The following SLC7A10 variants were observed in gnomAD, a reference collection of about 807,000 sequenced individuals.
The protein encoded by SLC7A10 is asc-type amino acid transporter 1.
In SLC7A10, 30 loss-of-function variants were observed where a neutral mutation model predicts 52.7. That is an observed-to-expected ratio of 0.57 (90% CI 0.43 to 0.77). The LOEUF (loss-of-function observed/expected upper bound fraction) is 0.77. SLC7A10 is among the 30% of genes least tolerant of loss of function. SLC7A10 has a pLI of 0.00. For synonymous variants in SLC7A10, 318 were observed against 314.9 expected (o/e 1.01, Z -0.10); for missense variants, 581 against 698.5 (o/e 0.83, Z 1.90).
At chr19:33,220,124 G>T in intron 1 of SLC7A10, 1 of 152,188 alleles carries the variant, frequency 6.6e-6, no homozygotes, top group East Asian at 1.9e-4. Context: ...ACCTCTCCGG[G>T]ATGCTGACTG....
intron 2 of SLC7A10, among the ~76,000 whole-genome samples, 162 bp downstream of exon 2, chr19:33,215,607 G>GCCCCCACACCTTCTCTCCATCCCC: frequency 9.1e-6 from 1 of 110,402 alleles, no homozygotes; most frequent in African/African-American, 3.7e-5. Context: ...TCTCCATCCA[G>GCCCCCACACCTTCTCTCCATCCCC]CCCCCACACC....
At position 33,210,573 on chromosome 19, in the gene SLC7A10, G is replaced by A. The variant is rs762156060; in HGVS notation, c.1157C>T (p.Thr386Met). The A allele has an allele frequency of 1.1e-5, 17 of 1,611,984 alleles. No homozygotes were observed. Among genetic ancestry groups the A allele is most frequent in the South Asian group, 3.3e-5 (3 of 91,094 alleles). The change falls in exon 9 of 11, where the codon ACG becomes ATG. Residue 386 changes from threonine (T) to methionine (M), a missense_variant. Transcript: ENST00000253188. This position sits in a 1 kb window ranked among gnomAD's most constrained non-coding sequence, Gnocchi z 5.6. ...GATGAAGGACACATAGTTGATGAGC[G>A]TGTACGTGTCGCCCACGAGCATGAT... is the stretch of plus-strand genomic sequence containing the variant. ...AVIMLVGDTY[T>M]LINYVSFINY...
Position 33,211,546 on chromosome 19 carries a change from A to G in SLC7A10, c.789-9T>C. The G allele has an allele frequency of 6.2e-7, 1 of 1,613,996 alleles. No homozygotes were observed. The highest frequency in any genetic ancestry group is 8.5e-7 in the Non-Finnish European group (1 of 1,180,012). On this transcript the variant is annotated splice_polypyrimidine_tract_variant and intron_variant, in intron 5 of 10. Coordinates refer to ENST00000253188, the MANE Select transcript of SLC7A10 (RefSeq NM_019849.3). ...TGGCGCGAGGTAGGTTCCTGGTGAC[A>G]GGCAGTGGAGTGCGTCAGCGTCAGC...
rs572474768 is a variant in SLC7A10, at chr19:33,215,872, C to T, written c.253G>A (p.Val85Met). The change falls in exon 2 of 11, where the codon GTG becomes ATG. Residue 85 changes from valine to methionine, a missense_variant. Val to Met is a conservative substitution (Grantham distance 21). Coordinates refer to ENST00000253188, the MANE Select transcript of SLC7A10 (RefSeq NM_019849.3). The part of the protein sequence containing the change: ...ALFVWVLGGG[V>M]TALGSLCYAE... ...TAGCAGAGGGAGCCCAGAGCCGTCA[C>T]GCCCCCACCCAGGACCCAGACGAAC... 4.0e-5 allele frequency: 65 copies of T among 1,608,176 alleles called. No individual in the cohort carries two copies. Among genetic ancestry groups the T allele is most frequent in the East Asian group, 8.9e-5 (4 of 44,698 alleles).
chr19:33,218,133 A>T (rs1974729160), intron 1 of SLC7A10, among the ~76,000 whole-genome samples: 1 of 152,060 alleles, frequency 6.6e-6, no homozygotes, highest in Middle Eastern at 3.2e-3. Flanking sequence ...TCACGCTGGG[A>T]GCATCCCAGG....
At chr19:33,216,028 C>T in intron 1 of SLC7A10, 55 bp from the exon 2 acceptor site, 1 of 1,454,782 alleles carries the variant, frequency 6.9e-7, no homozygotes, top group Non-Finnish European at 9.2e-7. Context: ...CGCAGCCCGG[C>T]CTTCTGTGTG....
intron 1 of SLC7A10, among the ~76,000 whole-genome samples, chr19:33,221,844 C>A (rs1302790802): frequency 2.0e-5 from 3 of 152,176 alleles, no homozygotes; most frequent in Non-Finnish European, 4.4e-5. Context: ...GGGGGACTCC[C>A]ACTTTGGAGG....
Position 33,225,564 on chromosome 19 carries a change from G to T in SLC7A10, c.140C>A (p.Thr47Asn). The part of the protein sequence containing the change: ...KKEIGLLSAC[T>N]IIIGNIIGSG... ...TGGGTCCCGCTCACCGATGATGATGGTGCAGGCGCTCAGCAGCCCGATCTC... is the reference window on the plus strand; with the variant it reads ...TGGGTCCCGCTCACCGATGATGATGTTGCAGGCGCTCAGCAGCCCGATCTC... The change falls in exon 1 of 11, where the codon ACC becomes AAC. Residue 47 changes from threonine to asparagine, a missense_variant. Thr to Asn is a moderately conservative substitution (Grantham distance 65). Coordinates refer to ENST00000253188, the MANE Select transcript of SLC7A10 (RefSeq NM_019849.3). 6.3e-7 allele frequency: 1 copy of T among 1,596,620 alleles called. No homozygotes were observed. The highest frequency in any genetic ancestry group is 8.5e-7 in the Non-Finnish European group (1 of 1,179,302).
At position 33,219,152 on chromosome 19, in the gene SLC7A10, G is replaced by A. The variant is rs149234420; in HGVS notation, c.152-3179C>T. Among the ~76,000 whole-genome samples the A allele has an allele frequency of 6.5e-3, 995 of 152,202 alleles. 10 individuals carry two copies. Among genetic ancestry groups the A allele is most frequent in the African/African-American group, 0.023 (949 of 41,500 alleles). ...GCTCAGTGGTCCCTGCAGGTCCTCC[G>A]TGGGCCAGAGCTCCGGGCAGGTAGG... On this transcript the variant is annotated intron_variant, in intron 1 of 10. Transcript: ENST00000253188.
chr19:33,222,637 G>A (rs1974837777), intron 1 of SLC7A10, among the ~76,000 whole-genome samples: 1 of 152,166 alleles, frequency 6.6e-6, no homozygotes, highest in African/African-American at 2.4e-5. Flanking sequence ...AGGTGGGCAT[G>A]AGATTCAAAT....
intron 1 of SLC7A10, among the ~76,000 whole-genome samples, chr19:33,222,387 A>C (rs1974826777): frequency 6.6e-6 from 1 of 151,120 alleles, no homozygotes; most frequent in South Asian, 2.1e-4. Flanking sequence ...CTATGGAGCA[A>C]GAGTTTGTTT....
intron 1 of SLC7A10, among the ~76,000 whole-genome samples, chr19:33,223,421 G>C (rs1974856056): frequency 6.6e-6 from 1 of 150,734 alleles, no homozygotes; most frequent in Non-Finnish European, 1.5e-5. Context: ...TTTTGATTCT[G>C]ACCAGGCTCC....
rs984696691 is a variant in SLC7A10, at chr19:33,215,757, C to T, written c.356+12G>A. ...GAGGGTGTCCCCCTGCCCGCTGGTG[C>T]CCCACACTCACCCAGCCAGGCCCCC... On this transcript the variant is annotated intron_variant, in intron 2 of 10. Transcript: ENST00000253188. 4.5e-6 allele frequency: 7 copies of T among 1,551,904 alleles called. No homozygotes were observed. Among genetic ancestry groups the T allele is most frequent in the Non-Finnish European group, 6.1e-6 (7 of 1,147,342 alleles).
chr19:33,214,616 C>G (rs1427139764), intron 2 of SLC7A10, among the ~76,000 whole-genome samples: 2 of 152,238 alleles, frequency 1.3e-5, no homozygotes, highest in African/African-American at 2.4e-5. Flanking sequence ...CCTGGGCCAC[C>G]ACACCCTCTG....
intron 2 of SLC7A10, among the ~76,000 whole-genome samples, 157 bp downstream of exon 2, chr19:33,215,607 GCCCCC>G (rs1974656989): frequency 9.1e-6 from 1 of 110,402 alleles, no homozygotes; most frequent in Non-Finnish European, 1.9e-5. Flanking sequence ...TCTCCATCCA[GCCCCC>G]ACACCTTCTC....
chr19:33,223,963 A>ACCACCACCACCACCACCG (rs1229375573), intron 1 of SLC7A10, among the ~76,000 whole-genome samples: 6 of 148,768 alleles, frequency 4.0e-5, no homozygotes, highest in Non-Finnish European at 8.9e-5. Flanking sequence ...CACCACCACC[A>ACCACCACCACCACCACCG]CCACCACCAC....
chr19:33,218,566 C>T lies in SLC7A10; in HGVS notation c.152-2593G>A, dbSNP rs376010348. 9.3e-5 allele frequency among the ~76,000 whole-genome samples: 14 copies of T among 151,222 alleles called. No individual in the cohort carries two copies. The East Asian group carries it at 2.4e-3, about 26-fold the overall frequency. On this transcript the variant is annotated intron_variant, in intron 1 of 10. Transcript: ENST00000253188. Reference sequence around the variant, plus strand: ...GCACTGCATGGAGCAGCCGGGGCTGCGGGCTTGGGCACGGAGGAGGGAGGG... The same window carrying T: ...GCACTGCATGGAGCAGCCGGGGCTGTGGGCTTGGGCACGGAGGAGGGAGGG...
rs1974519398 is a variant in SLC7A10, at chr19:33,210,494, C to T, written c.1236G>A (p.Arg412=). The T allele has an allele frequency of 1.2e-6, 2 of 1,605,216 alleles. No individual in the cohort carries two copies. Among genetic ancestry groups the T allele is most frequent in the Middle Eastern group, 3.3e-4 (2 of 6,056 alleles). The change falls in exon 9 of 11, where the codon AGG becomes AGA. Residue 412 remains arginine (R), a synonymous_variant. Coordinates refer to ENST00000253188, the MANE Select transcript of SLC7A10 (RefSeq NM_019849.3). The surrounding 1 kb of genome is among the most constrained non-coding windows in gnomAD (Gnocchi z 5.6). Reference sequence around the variant, plus strand: ...TGATGGGCCTGTGGAGTGCAGGCCGCCTCCAGCGCAGCAGCAGCAGGCCCA... The same window carrying T: ...TGATGGGCCTGTGGAGTGCAGGCCGTCTCCAGCGCAGCAGCAGCAGGCCCA... ...TILGLLLLRW[R]RPALHRPIKV...
chr19:33,212,923 C>A lies in SLC7A10; in HGVS notation c.436G>T (p.Val146Leu). The A allele has an allele frequency of 6.2e-7, 1 of 1,614,084 alleles. No homozygotes were observed. The highest frequency in any genetic ancestry group is 8.5e-7 in the Non-Finnish European group (1 of 1,180,020). The change falls in exon 3 of 11, where the codon GTG becomes TTG. Residue 146 changes from valine to leucine, a missense_variant. Physicochemically the swap from Val to Leu is conservative, Grantham distance 32. Transcript: ENST00000253188. ...AVISMTFSNY[V>L]LQPVFPNCIP... ...CAGTTGGGGAACACGGGCTGCAGCA[C>A]GTAGTTGGAGAAGGTCATGGAGATG...
Sources: gnomAD v4.1 joint callset for allele counts (sites outside exome capture counted in the v4.1 genomes callset) on GRCh38, gnomAD v4.1.1 for gene constraint, Gnocchi (gnomAD v3.1) non-coding constraint, MANE v1.5 for transcripts, NCBI Gene and HGNC (gene_info 2026-07-23, HGNC 2026-07-21) for gene names.